Variants in ADCY1 observed in about 807,000 individuals in gnomAD.
ADCY1 encodes the protein adenylate cyclase 1.
In ADCY1, 28 loss-of-function variants were observed where a neutral mutation model predicts 105.4. The ratio of observed to expected loss-of-function variants is 0.27; its 90% confidence interval spans 0.20 to 0.36. The LOEUF (loss-of-function observed/expected upper bound fraction) is 0.36, where lower values mean the gene tolerates loss of function less well. Among genes scored for constraint, ADCY1 ranks in the 10% least tolerant of loss-of-function variants. The pLI is 1.00. For synonymous variants in ADCY1, 655 were observed against 623.8 expected (o/e 1.05, Z -0.75); for missense variants, 977 against 1,434.2 (o/e 0.68, Z 5.15).
intron 11 of ADCY1, among the ~76,000 whole-genome samples, chr7:45,683,907 G>A (rs922488648): frequency 6.6e-6 from 1 of 152,256 alleles, no homozygotes; most frequent in Non-Finnish European, 1.5e-5. Context: ...CCGCATGGGG[G>A]CCTGCCAGTG....
rs143472730 is a variant in ADCY1 at position 45,622,728 on chromosome 7, C to T, written c.1005C>T (p.Phe335=). Residue 335 remains phenylalanine (F), a synonymous_variant, in exon 4 of 20, where the codon TTC becomes TTT. Coordinates refer to ENST00000297323, the MANE Select transcript of ADCY1 (RefSeq NM_021116.4). ...VKLLNELFGK[F]DELATENHCR... ...TCCTCAATGAGCTCTTCGGCAAGTT[C>T]GATGAATTAGCCACGGTAAGTGCAG... The T allele has an allele frequency of 2.3e-4, 375 of 1,610,220 alleles. 1 individual carries two copies. The Middle Eastern group carries it at 2.6e-3, about 11-fold the overall frequency.
At chr7:45,633,630 C>T (rs576814450) in intron 4 of ADCY1, among the ~76,000 whole-genome samples, 56 of 152,042 alleles carry the variant, frequency 3.7e-4, no homozygotes, top group Non-Finnish European at 2.2e-4. Flanking sequence ...GGTGAAACCC[C>T]GTCTCTACTA....
chr7:45,574,395 A>AGCCGGCGCCCCAACTCC lies in ADCY1; in HGVS notation c.-145_-129dup, dbSNP rs911033951. The AGCCGGCGCCCCAACTCC allele has an allele frequency of 2.2e-5, 3 of 136,008 alleles. No homozygotes were observed. The highest frequency in any genetic ancestry group is 3.1e-5 in the Non-Finnish European group (2 of 63,516). 8.4% of individuals were successfully genotyped at this position (136,008 alleles called of 1,614,324 possible). A position where few individuals can be genotyped will look rare whatever the true frequency, so the allele number is the denominator to read the frequency against. Reference sequence around the variant, plus strand: ...CGCGCTCCGGGCGCGCGCGCGGGGCAGCCGGCGCCCCAACTCCGCCCGCCC... The same window carrying AGCCGGCGCCCCAACTCC: ...CGCGCTCCGGGCGCGCGCGCGGGGCAGCCGGCGCCCCAACTCCGCCGGCGCCCCAACTCCGCCCGCCC... On this transcript the variant is annotated 5_prime_UTR_variant, in exon 1 of 20. Transcript: ENST00000297323. The surrounding 1 kb of genome is among the most constrained non-coding windows in gnomAD (Gnocchi z 7.0).
chr7:45,641,918 G>T, intron 4 of ADCY1, among the ~76,000 whole-genome samples: 1 of 20,596 alleles, frequency 4.9e-5, no homozygotes, highest in African/African-American at 1.5e-4. Context: ...GGGCGACAGA[G>T]CGAGACTCCG....
At chr7:45,590,585 T>C (rs762772608) in intron 1 of ADCY1, among the ~76,000 whole-genome samples, 5 of 152,126 alleles carry the variant, frequency 3.3e-5, no homozygotes, top group Non-Finnish European at 5.9e-5. Flanking sequence ...TGCGTTTTGT[T>C]TGTGGAAAAA....
chr7:45,613,677 C>T (rs1793652713), intron 3 of ADCY1, among the ~76,000 whole-genome samples: 1 of 151,962 alleles, frequency 6.6e-6, no homozygotes, highest in African/African-American at 2.4e-5. Context: ...ACTGAGATGA[C>T]ACCAAATAAG....
In ADCY1 at chr7:45,613,855, G is replaced by A. The variant is rs77034895; in HGVS notation, c.908+3358G>A. ...GAAACCTTGCAGGCCAGAAGGGAGT[G>A]GGATGATATGTTTAAAGTGCTGAAA... On this transcript the variant is annotated intron_variant, in intron 3 of 19. Coordinates refer to ENST00000297323, the MANE Select transcript of ADCY1 (RefSeq NM_021116.4). Among the ~76,000 whole-genome samples the A allele has an allele frequency of 2.4e-3, 370 of 152,260 alleles. 1 individual carries two copies. The highest frequency in any genetic ancestry group is 8.5e-3 in the African/African-American group (353 of 41,540).
chr7:45,634,538 C>T (rs1293185865), intron 4 of ADCY1, among the ~76,000 whole-genome samples: 1 of 151,446 alleles, frequency 6.6e-6, no homozygotes, highest in Non-Finnish European at 1.5e-5. Context: ...AATGAATTAC[C>T]TTGATTGATG....
upstream of ADCY1, chr7:45,574,228 C>CAGGACGCGGAGTT (rs1792242453): frequency 1.2e-6 from 1 of 847,584 alleles, no homozygotes; most frequent in African/African-American, 1.8e-5. The surrounding 1 kb of genome is among the most constrained non-coding windows in gnomAD (Gnocchi z 7.0). Context: ...GGCGGGAACG[C>CAGGACGCGGAGTT]AGGACGCGGA....
intron 3 of ADCY1, among the ~76,000 whole-genome samples, chr7:45,617,870 G>GA (rs1162422371): frequency 2.6e-5 from 4 of 151,918 alleles, no homozygotes; most frequent in African/African-American, 7.3e-5. Context: ...CACAAAAATA[G>GA]AAAAAAAATT....
rs56808890 is a variant in ADCY1, at chr7:45,641,932, C to CAA, written c.1021-6725_1021-6724dup. On this transcript the variant is annotated intron_variant, in intron 4 of 19. Transcript: ENST00000297323. ...TGGGCGACAGAGCGAGACTCCGTCTCAAAAAAAAAAAAAATGTCTTTTCAT... is the reference window on the plus strand; with the variant it reads ...TGGGCGACAGAGCGAGACTCCGTCTCAAAAAAAAAAAAAAAATGTCTTTTCAT... 3.3e-4 allele frequency among the ~76,000 whole-genome samples: 12 copies of CAA among 36,406 alleles called. 4 individuals carry two copies. Among genetic ancestry groups the CAA allele is most frequent in the Admixed American group, 7.2e-4 (2 of 2,768 alleles). 23.9% of individuals were successfully genotyped at this position (36,406 alleles called of 152,430 possible). A position where few individuals can be genotyped will look rare whatever the true frequency, so the allele number is the denominator to read the frequency against.
At position 45,718,363 on chromosome 7, in the gene ADCY1, T is replaced by G. The variant is rs1170550532; in HGVS notation, c.*4368T>G. On this transcript the variant is annotated 3_prime_UTR_variant, in exon 20 of 20. Transcript: ENST00000297323. Reference sequence around the variant, plus strand: ...GTGGCACTCTGAAGGCTGTCCCCATTCACCTTCCACAATGCTGGTACCATC... The same window carrying G: ...GTGGCACTCTGAAGGCTGTCCCCATGCACCTTCCACAATGCTGGTACCATC... 1 of 152,146 alleles carries G rather than the reference T, an allele frequency of 6.6e-6. No individual in the cohort carries two copies. The highest frequency in any genetic ancestry group is 1.9e-4 in the East Asian group (1 of 5,160). The allele number at this position is 152,146 out of a possible 1,614,324, so 9.4% of individuals were successfully genotyped here. A position where few individuals can be genotyped will look rare whatever the true frequency, so the allele number is the denominator to read the frequency against.
chr7:45,698,249 C>T (rs1784925563), intron 14 of ADCY1, among the ~76,000 whole-genome samples: 1 of 152,122 alleles, frequency 6.6e-6, no homozygotes, highest in African/African-American at 2.4e-5. Flanking sequence ...TGCCTGCATC[C>T]ACACATTGTA....
chr7:45,644,748 C>T (rs771823227), intron 4 of ADCY1, among the ~76,000 whole-genome samples: 64 of 152,182 alleles, frequency 4.2e-4, no homozygotes, highest in Non-Finnish European at 2.1e-4. Context: ...GCTGACTTTC[C>T]ATATTTATAC....
intron 4 of ADCY1, among the ~76,000 whole-genome samples, chr7:45,643,124 T>C (rs895083899): frequency 6.6e-6 from 1 of 151,072 alleles, no homozygotes; most frequent in African/African-American, 2.4e-5. Flanking sequence ...TTTTTTTTTT[T>C]TTTTTTTAAG....
intron 4 of ADCY1, among the ~76,000 whole-genome samples, chr7:45,627,104 C>G (rs772389505): frequency 6.6e-6 from 1 of 152,150 alleles, no homozygotes; most frequent in African/African-American, 2.4e-5. Flanking sequence ...AGACAAAGGC[C>G]AAGTTGTTGA....
chr7:45,687,674 G>A (rs1784711546), intron 14 of ADCY1, among the ~76,000 whole-genome samples: 1 of 152,220 alleles, frequency 6.6e-6, no homozygotes, highest in African/African-American at 2.4e-5. Context: ...GGAGCTATTT[G>A]ATCTCATTCA....
chr7:45,653,338 TC>T (rs1280300613), intron 5 of ADCY1, among the ~76,000 whole-genome samples: 1 of 152,138 alleles, frequency 6.6e-6, no homozygotes, highest in African/African-American at 2.4e-5. Context: ...AGGACCAACC[TC>T]CCAGCTGCTG....
chr7:45,685,132 C>A, intron 12 of ADCY1, 64 bp downstream of exon 12: 1 of 1,468,318 alleles, frequency 6.8e-7, no homozygotes, highest in South Asian at 1.1e-5. Context: ...AGGACCAGCC[C>A]AGAAGCCAGG....
Sources: gnomAD v4.1 joint callset for allele counts (sites outside exome capture counted in the v4.1 genomes callset) on GRCh38, gnomAD v4.1.1 for gene constraint, Gnocchi (gnomAD v3.1) non-coding constraint, MANE v1.5 for transcripts, NCBI Gene and HGNC (gene_info 2026-07-23, HGNC 2026-07-21) for gene names.